The following PRKG1 variants were observed in gnomAD, a reference collection of about 807,000 sequenced individuals.
PRKG1 encodes the protein cGMP-dependent protein kinase 1.
In PRKG1, 35 loss-of-function variants were observed where a neutral mutation model predicts 88.1. The observed-to-expected ratio is 0.40, with a 90% CI of 0.30 to 0.53. The LOEUF (loss-of-function observed/expected upper bound fraction) is 0.53. Ranked by LOEUF, PRKG1 falls within the 20% of genes least tolerant of loss-of-function variation. The probability of loss-of-function intolerance (pLI) is 0.59; values close to 1 mark genes in which losing one functional copy is unlikely to be tolerated. For missense variants in PRKG1, 540 were observed against 839.8 expected (o/e 0.64, Z 4.41); for synonymous variants, 303 against 292.5 (o/e 1.04, Z -0.37).
intron 3 of PRKG1, among the ~76,000 whole-genome samples, chr10:51,499,980 C>T (rs1197041700): frequency 6.6e-6 from 1 of 151,914 alleles, no homozygotes; most frequent in Non-Finnish European, 1.5e-5. Flanking sequence ...GAAAAGAAAA[C>T]AACAACAACC....
At chr10:51,168,555 C>G (rs1846611883) in intron 2 of PRKG1, among the ~76,000 whole-genome samples, 1 of 152,062 alleles carries the variant, frequency 6.6e-6, no homozygotes, top group African/African-American at 2.4e-5. Flanking sequence ...AAGGTTTTCA[C>G]TAATATTTAA....
At chr10:51,185,330 T>G (rs1250622752) in intron 2 of PRKG1, among the ~76,000 whole-genome samples, 3 of 152,218 alleles carry the variant, frequency 2.0e-5, no homozygotes, top group Admixed American at 6.5e-5. Context: ...TTAGACAAGA[T>G]TTTTATTTTG....
Position 52,297,041 on chromosome 10 carries a change from G to T in PRKG1, c.*3141G>T, listed in dbSNP as rs1277749962. 1 of 152,014 alleles carries T rather than the reference G, an allele frequency of 6.6e-6. No homozygotes were observed. Among genetic ancestry groups the T allele is most frequent in the African/African-American group, 2.4e-5 (1 of 41,414 alleles). 9.4% of individuals were successfully genotyped at this position (152,014 alleles called of 1,614,324 possible). A position where few individuals can be genotyped will look rare whatever the true frequency, so the allele number is the denominator to read the frequency against. On this transcript the variant is annotated 3_prime_UTR_variant, in exon 18 of 18. Transcript: ENST00000373980. ...AGTCAGCTACCATGTTGAAAATAAG[G>T]ATATTAGAACTGATTTCATACAATA...
chr10:51,993,960 C>A (rs184747793), intron 5 of PRKG1, among the ~76,000 whole-genome samples: 1 of 152,118 alleles, frequency 6.6e-6, no homozygotes, highest in Admixed American at 6.5e-5. Flanking sequence ...TTCCTTCCTT[C>A]GGTGGCCTGA....
At chr10:51,650,716 A>G (rs767999745) in intron 3 of PRKG1, among the ~76,000 whole-genome samples, 2 of 152,202 alleles carry the variant, frequency 1.3e-5, no homozygotes, top group Non-Finnish European at 2.9e-5. Flanking sequence ...TAATAATATC[A>G]CTAACACTGT....
intron 2 of PRKG1, among the ~76,000 whole-genome samples, chr10:51,192,875 C>T (rs74133524): frequency 0.053 from 8,062 of 152,030 alleles, 401 homozygotes; most frequent in African/African-American, 0.13. Context: ...CATTCACTCA[C>T]TCACCCATTC....
At chr10:51,190,551 AC>A (rs753502635) in intron 2 of PRKG1, among the ~76,000 whole-genome samples, 3 of 151,860 alleles carry the variant, frequency 2.0e-5, no homozygotes, top group Non-Finnish European at 4.4e-5. Flanking sequence ...CTAAAAAAAG[AC>A]CTAAAGAACC....
At chr10:51,319,760 G>T (rs1223358831) in intron 2 of PRKG1, 2 of 152,296 alleles carry the variant, frequency 1.3e-5, no homozygotes, top group African/African-American at 4.8e-5. Flanking sequence ...GCAAATACAT[G>T]TAAACAGCTT....
chr10:52,048,224 AATG>A (rs1477528303), intron 5 of PRKG1, among the ~76,000 whole-genome samples: 1 of 152,058 alleles, frequency 6.6e-6, no homozygotes, highest in Non-Finnish European at 1.5e-5. Context: ...TAGAGGAAAT[AATG>A]ATGTCATATT....
intron 2 of PRKG1, among the ~76,000 whole-genome samples, chr10:51,285,057 C>A: frequency 9.2e-6 from 1 of 108,162 alleles, no homozygotes; most frequent in Non-Finnish European, 1.9e-5. Flanking sequence ...TCCCCCCACC[C>A]CACCACAGTC....
chr10:51,335,302 A>G (rs566183245), intron 2 of PRKG1, among the ~76,000 whole-genome samples: 1 of 152,150 alleles, frequency 6.6e-6, no homozygotes, highest in Non-Finnish European at 1.5e-5. Context: ...TGATTGGTCA[A>G]CTTCTTATTT....
chr10:51,532,858 CT>C (rs1378547859), intron 3 of PRKG1, among the ~76,000 whole-genome samples: 41 of 152,300 alleles, frequency 2.7e-4, no homozygotes, highest in African/African-American at 8.9e-4. Context: ...CCTCTTTCCC[CT>C]CTCCCCTTCT....
intron 3 of PRKG1, among the ~76,000 whole-genome samples, chr10:51,754,958 T>A (rs913448941): frequency 6.6e-6 from 1 of 151,772 alleles, no homozygotes; most frequent in African/African-American, 2.4e-5. Context: ...GCAATTCAAC[T>A]TGGAATGTTA....
At chr10:51,281,304 G>A (rs1187073409) in intron 2 of PRKG1, among the ~76,000 whole-genome samples, 1 of 152,158 alleles carries the variant, frequency 6.6e-6, no homozygotes. Flanking sequence ...GGCTACTAGG[G>A]GGTCAGGGAC....
chr10:51,536,118 G>A (rs564942053), intron 3 of PRKG1, among the ~76,000 whole-genome samples: 241 of 152,202 alleles, frequency 1.6e-3, no homozygotes, highest in Non-Finnish European at 2.5e-3. Context: ...ATACTAATGC[G>A]ACAAAGTGAT....
chr10:51,753,885 A>G (rs1309369805), intron 3 of PRKG1, among the ~76,000 whole-genome samples: 1 of 152,126 alleles, frequency 6.6e-6, no homozygotes. Flanking sequence ...CATGAAGCTC[A>G]TGAACATTCT....
intron 1 of PRKG1, among the ~76,000 whole-genome samples, chr10:51,024,443 C>T (rs977359869): frequency 9.2e-5 from 14 of 152,058 alleles, no homozygotes; most frequent in Admixed American, 5.9e-4. Context: ...CTAAGTTCTA[C>T]GTACTTGACC....
intron 3 of PRKG1, among the ~76,000 whole-genome samples, chr10:51,783,819 C>A (rs969438453): frequency 6.6e-6 from 1 of 152,024 alleles, no homozygotes; most frequent in Non-Finnish European, 1.5e-5. Context: ...CACCATAGAG[C>A]CTTCAATAAA....
At chr10:51,604,503 C>T (rs1052088170) in intron 3 of PRKG1, among the ~76,000 whole-genome samples, 1 of 152,186 alleles carries the variant, frequency 6.6e-6, no homozygotes, top group Non-Finnish European at 1.5e-5. Flanking sequence ...ATATCTGATT[C>T]ACAACCACAT....
Sources: gnomAD v4.1 joint callset for allele counts (sites outside exome capture counted in the v4.1 genomes callset) on GRCh38, gnomAD v4.1.1 for gene constraint, MANE v1.5 for transcripts, NCBI Gene and HGNC (gene_info 2026-07-23, HGNC 2026-07-21) for gene names.